MAGI2: variants seen among roughly 807,000 people sequenced by gnomAD.
The protein encoded by MAGI2 is membrane associated guanylate kinase, WW and PDZ domain containing 2, also known as membrane-associated guanylate kinase, WW and PDZ domain-containing protein 2.
Under a neutral mutation model 133.3 loss-of-function variants are expected in MAGI2, and 35 were observed. The observed-to-expected ratio is 0.26, with a 90% CI of 0.20 to 0.35. MAGI2 has a LOEUF of 0.35. MAGI2 is among the 10% of genes least tolerant of loss of function. The pLI is 1.00. For missense variants in MAGI2, 1,636 were observed against 1,863.4 expected (o/e 0.88, Z 2.25); for synonymous variants, 729 against 710.6 (o/e 1.03, Z -0.41).
chr7:78,611,661 G>A (rs915518942), intron 3 of MAGI2, among the ~76,000 whole-genome samples: 5 of 152,200 alleles, frequency 3.3e-5, no homozygotes, highest in Non-Finnish European at 7.3e-5. Flanking sequence ...TGACATCAAA[G>A]AGATAAAACT....
chr7:78,305,326 T>C (rs1252495353), intron 9 of MAGI2, among the ~76,000 whole-genome samples: 1 of 152,172 alleles, frequency 6.6e-6, no homozygotes, highest in Non-Finnish European at 1.5e-5. Context: ...GTGCCCCCTT[T>C]GTATGGAGAT....
At chr7:78,716,432 A>G (rs1585176163) in intron 2 of MAGI2, among the ~76,000 whole-genome samples, 1 of 152,150 alleles carries the variant, frequency 6.6e-6, no homozygotes, top group South Asian at 2.1e-4. Context: ...AGAGAAAGCA[A>G]TGAAAAATAG....
intron 2 of MAGI2, among the ~76,000 whole-genome samples, chr7:78,663,197 C>T (rs970515865): frequency 1.4e-5 from 2 of 145,984 alleles, no homozygotes; most frequent in Non-Finnish European, 1.5e-5. Context: ...TTATTTGTAC[C>T]AACTCTTTTT....
At chr7:78,955,765 C>CTTTCTTTCTTTCT (rs1562713259) in intron 2 of MAGI2, among the ~76,000 whole-genome samples, 10 of 69,566 alleles carry the variant, frequency 1.4e-4, no homozygotes, top group East Asian at 1.1e-3. Context: ...TTCTTTCTTT[C>CTTTCTTTCTTTCT]TTTCTTTCTT....
At chr7:79,044,315 G>T (rs1234344461) in intron 1 of MAGI2, among the ~76,000 whole-genome samples, 2 of 152,138 alleles carry the variant, frequency 1.3e-5, no homozygotes. Context: ...TGCATAAACA[G>T]AACTAAAAAC....
chr7:78,722,006 CT>C (rs1001995902), intron 2 of MAGI2, among the ~76,000 whole-genome samples: 21 of 151,158 alleles, frequency 1.4e-4, no homozygotes, highest in South Asian at 2.1e-4. Context: ...TATAGAAAAA[CT>C]TTTTTATTTG....
At chr7:78,928,877 C>A (rs889421298) in intron 2 of MAGI2, among the ~76,000 whole-genome samples, 13 of 151,964 alleles carry the variant, frequency 8.6e-5, no homozygotes, top group African/African-American at 2.2e-4. Flanking sequence ...AAATTCACTG[C>A]AATATTTTCC....
chr7:78,477,573 G>A (rs60412183), intron 6 of MAGI2, among the ~76,000 whole-genome samples: 5,589 of 151,886 alleles, frequency 0.037, 194 homozygotes, highest in Admixed American at 0.099. Context: ...GTCTTACATG[G>A]CAGCAGGCAA....
intron 2 of MAGI2, among the ~76,000 whole-genome samples, chr7:78,836,526 T>C (rs1286642120): frequency 6.6e-6 from 1 of 152,192 alleles, no homozygotes; most frequent in Non-Finnish European, 1.5e-5. Context: ...GAAGTTCAGA[T>C]TCATAAAAAT....
intron 1 of MAGI2, among the ~76,000 whole-genome samples, chr7:79,250,136 A>G (rs569698993): frequency 6.6e-6 from 1 of 152,244 alleles, no homozygotes; most frequent in South Asian, 2.1e-4. Context: ...TAGAAAAAAC[A>G]TATGTCAACA....
chr7:78,113,967 T>C (rs559002019), intron 20 of MAGI2, among the ~76,000 whole-genome samples: 25 of 152,178 alleles, frequency 1.6e-4, no homozygotes, highest in Admixed American at 1.6e-3. Flanking sequence ...ATTGCTAGAG[T>C]TGACTCAACT....
At chr7:78,381,874 G>A (rs1794951966) in intron 6 of MAGI2, among the ~76,000 whole-genome samples, 1 of 152,300 alleles carries the variant, frequency 6.6e-6, no homozygotes, top group Admixed American at 6.5e-5. Flanking sequence ...CCTCTAGGAG[G>A]AGAATTTGGC....
At chr7:78,159,871 G>T in intron 16 of MAGI2, 154 bp downstream of exon 16, 3 of 928,838 alleles carry the variant, frequency 3.2e-6, no homozygotes, top group Non-Finnish European at 1.5e-6. Context: ...GCTAGTCAGT[G>T]GTATGGATGC....
chr7:79,199,044 A>G (rs1169125735), intron 1 of MAGI2, among the ~76,000 whole-genome samples: 2 of 152,072 alleles, frequency 1.3e-5, no homozygotes, highest in East Asian at 3.8e-4. Flanking sequence ...ACTAAAAAAA[A>G]ATTAAAATTG....
chr7:78,410,704 G>GA (rs1797791369), intron 6 of MAGI2, among the ~76,000 whole-genome samples: 1 of 151,840 alleles, frequency 6.6e-6, no homozygotes, highest in African/African-American at 2.4e-5. Flanking sequence ...AGCTCAGGGA[G>GA]AAAAAGAGTA....
chr7:78,760,821 C>T (rs1471887689), intron 2 of MAGI2, among the ~76,000 whole-genome samples: 1 of 152,102 alleles, frequency 6.6e-6, no homozygotes, highest in East Asian at 1.9e-4. Context: ...AAACTGAAAT[C>T]CTCAGTGTCT....
At chr7:78,230,228 G>C (rs1027994897) in intron 10 of MAGI2, among the ~76,000 whole-genome samples, 1 of 152,184 alleles carries the variant, frequency 6.6e-6, no homozygotes, top group African/African-American at 2.4e-5. Flanking sequence ...AGTGTTTTCA[G>C]ACATTTTGGA....
intron 3 of MAGI2, among the ~76,000 whole-genome samples, chr7:78,535,958 G>C (rs980097100): frequency 9.5e-5 from 14 of 147,184 alleles, no homozygotes; most frequent in African/African-American, 2.8e-4. Context: ...TTTATCTTCC[G>C]CCGGACCAAT....
chr7:79,015,097 G>T (rs1268676730), intron 1 of MAGI2, among the ~76,000 whole-genome samples: 1 of 151,976 alleles, frequency 6.6e-6, no homozygotes, highest in African/African-American at 2.4e-5. Context: ...TTTTATATTA[G>T]CAAGGTCTAT....
Sources: gnomAD v4.1 joint callset for allele counts (sites outside exome capture counted in the v4.1 genomes callset) on GRCh38, gnomAD v4.1.1 for gene constraint, MANE v1.5 for transcripts, NCBI Gene and HGNC (gene_info 2026-07-23, HGNC 2026-07-21) for gene names.